The following DNAH17 variants were observed in gnomAD, a reference collection of about 807,000 sequenced individuals.
The protein encoded by DNAH17 is axonemal beta dynein heavy chain 17.
In DNAH17, 376 loss-of-function variants were observed where a neutral mutation model predicts 485.6. That is an observed-to-expected ratio of 0.77 (90% CI 0.71 to 0.84). The LOEUF is 0.84. DNAH17 is among the 40% of genes least tolerant of loss of function. DNAH17 has a pLI of 0.00. For missense variants in DNAH17, 6,370 were observed against 5,839.3 expected, an observed-to-expected ratio of 1.09 and a Z score of -2.96; for synonymous variants, 3,031 against 2,405.9, an observed-to-expected ratio of 1.26 and a Z score of -7.60.
chr17:78,502,015 GC>G, intron 33 of DNAH17, 142 bp from the exon 34 acceptor site: 4 of 1,210,110 alleles, frequency 3.3e-6, no homozygotes, highest in Non-Finnish European at 4.6e-6. Context: ...CCCTCGGTAG[GC>G]CCCAGCCAGG....
At chr17:78,440,507 A>C (rs2087033225) in intron 72 of DNAH17, among the ~76,000 whole-genome samples, 1 of 151,232 alleles carries the variant, frequency 6.6e-6, no homozygotes, top group African/African-American at 2.4e-5. Flanking sequence ...CGATCCGCCC[A>C]CCCTGGCCTC....
chr17:78,469,011 T>C, intron 54 of DNAH17, 128 bp from the exon 55 acceptor site: 1 of 1,168,180 alleles, frequency 8.6e-7, no homozygotes, highest in South Asian at 1.6e-5. Flanking sequence ...TCGCCCAGGC[T>C]GGAGTGCAAT....
intron 16 of DNAH17, among the ~76,000 whole-genome samples, chr17:78,550,231 C>CACATTA (rs2091868783): frequency 7.4e-6 from 1 of 135,642 alleles, no homozygotes; most frequent in Non-Finnish European, 1.6e-5. Flanking sequence ...CAAGGAGGCA[C>CACATTA]ACGTCTGGAC....
chr17:78,501,285 C>G lies in DNAH17; in HGVS notation c.5382G>C (p.Glu1794Asp). Residue 1794 changes from glutamate (E) to aspartate (D), a missense_variant, in exon 35 of 81, where the codon GAG becomes GAC. Glu to Asp is a conservative substitution (Grantham distance 45). Transcript: ENST00000389840. Reference sequence around the variant, plus strand: ...AGATGTTGGCAAAGCAGTGTCGCTTCTCTTCGTCCCAGCGATGCCGGAGCT... The same window carrying G: ...AGATGTTGGCAAAGCAGTGTCGCTTGTCTTCGTCCCAGCGATGCCGGAGCT... ...QAQLRHRWDE[E>D]KRHCFANICD... is the part of the protein sequence containing the mutation. 6.2e-7 allele frequency: 1 copy of G among 1,607,742 alleles called. No individual in the cohort carries two copies. Among genetic ancestry groups the G allele is most frequent in the Non-Finnish European group, 8.5e-7 (1 of 1,174,782 alleles).
intron 69 of DNAH17, among the ~76,000 whole-genome samples, chr17:78,447,953 C>T (rs866661542): frequency 2.6e-5 from 4 of 152,124 alleles, no homozygotes; most frequent in Admixed American, 1.3e-4. Flanking sequence ...TAGTGGATCA[C>T]CTAAGATCGG....
At chr17:78,541,455 C>G (rs1240348789) in intron 17 of DNAH17, among the ~76,000 whole-genome samples, 1 of 151,438 alleles carries the variant, frequency 6.6e-6, no homozygotes, top group Non-Finnish European at 1.5e-5. Flanking sequence ...TATAGGGAAA[C>G]TCAAAGATTA....
At chr17:78,427,357 C>T (rs2086513002) in intron 77 of DNAH17, among the ~76,000 whole-genome samples, 1 of 152,236 alleles carries the variant, frequency 6.6e-6, no homozygotes, top group African/African-American at 2.4e-5. Context: ...ATGAGCGCAT[C>T]AGGCCACCTG....
Position 78,454,646 on chromosome 17 carries a change from G to A in DNAH17, c.10230C>T (p.Asp3410=), listed in dbSNP as rs148972892. ...GGCCCTGGTTGTTCCAGGTGGCCACGTCCGCGTCATCTGTCAGCAGGCTCA... is the reference window on the plus strand; with the variant it reads ...GGCCCTGGTTGTTCCAGGTGGCCACATCCGCGTCATCTGTCAGCAGGCTCA... ...DPLSLLTDDA[D]VATWNNQGLP... is the part of the protein sequence containing the mutation. The change falls in exon 64 of 81, where the codon GAC becomes GAT. Residue 3410 remains aspartate (D), a synonymous_variant. Coordinates refer to ENST00000389840, the MANE Select transcript of DNAH17 (RefSeq NM_173628.4). The A allele has an allele frequency of 4.6e-5, 74 of 1,613,100 alleles. 1 individual carries two copies. The highest frequency in any genetic ancestry group is 5.5e-5 in the South Asian group (5 of 91,076).
chr17:78,432,546 A>C (rs2146430201), intron 75 of DNAH17, among the ~76,000 whole-genome samples: 1 of 152,326 alleles, frequency 6.6e-6, no homozygotes, highest in East Asian at 1.9e-4. Context: ...TTCCAGGCCC[A>C]GCCTTCGCCA....
At chr17:78,543,056 T>A (rs1005416380) in intron 17 of DNAH17, among the ~76,000 whole-genome samples, 1 of 152,192 alleles carries the variant, frequency 6.6e-6, no homozygotes, top group Non-Finnish European at 1.5e-5. Flanking sequence ...GGCTTGGAAG[T>A]GTACAGCAAG....
chr17:78,450,136 T>C (rs944598191), intron 68 of DNAH17, 118 bp downstream of exon 68: 1 of 1,243,158 alleles, frequency 8.0e-7, no homozygotes. Flanking sequence ...GGACCAGGTC[T>C]GCCCTCTGAG....
At chr17:78,439,972 A>G (rs549162823) in intron 72 of DNAH17, among the ~76,000 whole-genome samples, 308 of 150,810 alleles carry the variant, frequency 2.0e-3, no homozygotes, top group African/African-American at 7.2e-3. Context: ...GGCTGGCCTC[A>G]CTTTTTTTTG....
chr17:78,428,411 C>A, intron 77 of DNAH17, 114 bp downstream of exon 77: 1 of 1,299,066 alleles, frequency 7.7e-7, no homozygotes, highest in South Asian at 1.3e-5. Flanking sequence ...AAGGCTGGGG[C>A]AGAGTGTACC....
At position 78,545,242 on chromosome 17, in the gene DNAH17, C is replaced by A. The variant is rs79816792; in HGVS notation, c.2392-1245G>T. Among the ~76,000 whole-genome samples, 1,062 of 152,268 alleles carry A rather than the reference C, an allele frequency of 7.0e-3. 33 individuals are homozygous for A. In the East Asian group the frequency reaches 0.072, roughly 10 times the overall value. On this transcript the variant is annotated intron_variant, in intron 16 of 80. Coordinates refer to ENST00000389840, the MANE Select transcript of DNAH17 (RefSeq NM_173628.4). ...TGTGAACATAAACGATATGATTAAG[C>A]CTGTGTTTACCTTGTTAGAAGGATT...
intron 25 of DNAH17, among the ~76,000 whole-genome samples, chr17:78,524,500 C>T (rs1332104559): frequency 1.3e-5 from 2 of 152,146 alleles, no homozygotes; most frequent in East Asian, 3.9e-4. Context: ...GCTCCACTTC[C>T]ACCACATGAG....
intron 14 of DNAH17, among the ~76,000 whole-genome samples, chr17:78,555,504 C>G (rs964443288): frequency 1.4e-5 from 2 of 141,320 alleles, no homozygotes; most frequent in Non-Finnish European, 3.0e-5. Context: ...TCTGGGGAGC[C>G]CTGCCACGGC....
In DNAH17 at chr17:78,434,155, G is replaced by T. The variant is rs1474964407; in HGVS notation, c.12099C>A (p.Phe4033Leu). Reference sequence around the variant, plus strand: ...TGCGCCTCTCTGCCACCACAGCGTGGAAGTAGCACAGGGCGAAGAGCATGC... The same window carrying T: ...TGCGCCTCTCTGCCACCACAGCGTGTAAGTAGCACAGGGCGAAGAGCATGC... ...FKCMLFALCYFHAVVAERRKF... is the reference protein window; with the variant it reads ...FKCMLFALCYLHAVVAERRKF... The change falls in exon 75 of 81, where the codon TTC becomes TTA. Residue 4033 changes from phenylalanine to leucine, a missense_variant. Physicochemically the swap from Phe to Leu is conservative, Grantham distance 22. Coordinates refer to ENST00000389840, the MANE Select transcript of DNAH17 (RefSeq NM_173628.4). 6.2e-7 allele frequency: 1 copy of T among 1,613,524 alleles called. No individual in the cohort carries two copies. Among genetic ancestry groups the T allele is most frequent in the Non-Finnish European group, 8.5e-7 (1 of 1,179,844 alleles).
In DNAH17 at chr17:78,444,617, T is replaced by C. The variant is rs1380508409; in HGVS notation, c.11515A>G (p.Thr3839Ala). The C allele has an allele frequency of 5.7e-6, 9 of 1,568,746 alleles. No homozygotes were observed. The highest frequency in any genetic ancestry group is 6.9e-6 in the Non-Finnish European group (8 of 1,157,884). ...CGGGACACTCACTTGATAGCGTAGG[T>C]CATGCGATCTGGCCGCAGGCAGCGC... is the stretch of plus-strand genomic sequence containing the variant. ...MVRCLRPDRM[T>A]YAIKNFVEEK... The change falls in exon 71 of 81, where the codon ACC becomes GCC. Residue 3839 changes from threonine to alanine, a missense_variant. Transcript: ENST00000389840.
At chr17:78,442,145 C>T (rs570452318) in intron 71 of DNAH17, among the ~76,000 whole-genome samples, 22 of 152,240 alleles carry the variant, frequency 1.4e-4, no homozygotes, top group African/African-American at 4.6e-4. Flanking sequence ...GACAAATGGC[C>T]GCATCCCGAA....
Sources: gnomAD v4.1 joint callset for allele counts (sites outside exome capture counted in the v4.1 genomes callset) on GRCh38, gnomAD v4.1.1 for gene constraint, MANE v1.5 for transcripts, NCBI Gene and HGNC (gene_info 2026-07-23, HGNC 2026-07-21) for gene names.